DNAJC10: variants seen among roughly 807,000 people sequenced by gnomAD.
DNAJC10 encodes endoplasmic reticulum disulfide reductase DNAJC10.
In DNAJC10, 101 loss-of-function variants were observed where a neutral mutation model predicts 115.0. The ratio of observed to expected loss-of-function variants is 0.88; its 90% CI spans 0.75 to 1.04. The LOEUF (loss-of-function observed/expected upper bound fraction) is 1.04. DNAJC10 is among the 50% of genes least tolerant of loss of function. The probability of loss-of-function intolerance (pLI) is 0.00; values close to 1 mark genes in which losing one functional copy is unlikely to be tolerated. For synonymous variants in DNAJC10, 307 were observed against 301.5 expected (o/e 1.02, Z -0.19); for missense variants, 981 against 928.8 (o/e 1.06, Z -0.73).
At chr2:182,774,081 G>A (rs1041781119) in intron 22 of DNAJC10, among the ~76,000 whole-genome samples, 1 of 152,182 alleles carries the variant, frequency 6.6e-6, no homozygotes, top group African/African-American at 2.4e-5. Context: ...CCTTCTGACA[G>A]GTCCCTCAGC....
rs972377027 is a variant in DNAJC10 at position 182,717,945 on chromosome 2, A to G, written c.-142A>G. The stretch of plus-strand genomic sequence containing the variant: ...CTGCCTGCTTTTCTTTCTTAGATTA[A>G]TATTTTTGGGGACAGATTTGTGATG... On this transcript the variant is annotated 5_prime_UTR_variant, in exon 3 of 24. Transcript: ENST00000264065. 3 of 519,318 alleles carry G rather than the reference A, an allele frequency of 5.8e-6. No homozygotes were observed. Among genetic ancestry groups the G allele is most frequent in the Non-Finnish European group, 9.9e-6 (3 of 304,258 alleles). 32.2% of individuals were successfully genotyped at this position (519,318 alleles called of 1,614,324 possible). A position where few individuals can be genotyped will look rare whatever the true frequency, so the allele number is the denominator to read the frequency against.
At chr2:182,717,610 A>G (rs1693027426) in intron 2 of DNAJC10, among the ~76,000 whole-genome samples, 1 of 152,228 alleles carries the variant, frequency 6.6e-6, no homozygotes, top group Non-Finnish European at 1.5e-5. Context: ...ATTACAGGCA[A>G]CGCTATAACT....
chr2:182,748,173 A>C (rs1284741130), intron 14 of DNAJC10, among the ~76,000 whole-genome samples: 1 of 149,838 alleles, frequency 6.7e-6, no homozygotes, highest in Non-Finnish European at 1.5e-5. Flanking sequence ...TTCATCAAGG[A>C]TATTGGTCTA....
rs558799985 is a variant in DNAJC10, at chr2:182,757,004, A to G, written c.1809+535A>G. On this transcript the variant is annotated intron_variant, in intron 18 of 23. Transcript: ENST00000264065. ...AAAAATTTACCTCATATTTGTTTCA[A>G]TTTTTTCTAATTTTTTTCCTGCTTT... Among the ~76,000 whole-genome samples, 4 of 152,048 alleles carry G rather than the reference A, an allele frequency of 2.6e-5. No individual in the cohort carries two copies. In the East Asian group the frequency reaches 7.7e-4, roughly 29 times the overall value.
intron 5 of DNAJC10, among the ~76,000 whole-genome samples, chr2:182,727,655 C>G (rs1693325737): frequency 6.6e-6 from 1 of 152,128 alleles, no homozygotes. Context: ...GCACCTGTTT[C>G]TAATTAGCCT....
chr2:182,752,305 T>G, intron 16 of DNAJC10, 117 bp downstream of exon 16: 1 of 488,918 alleles, frequency 2.0e-6, no homozygotes, highest in Non-Finnish European at 3.4e-6. Flanking sequence ...TTTAGAGTAG[T>G]AACAAATTAT....
chr2:182,722,493 A>G (rs533639680), intron 5 of DNAJC10, among the ~76,000 whole-genome samples: 1 of 152,302 alleles, frequency 6.6e-6, no homozygotes, highest in African/African-American at 2.4e-5. Flanking sequence ...TTTCCATTGC[A>G]TTTTAGAAAA....
In DNAJC10 at chr2:182,777,518, A is replaced by G; in HGVS notation, c.*386A>G. On this transcript the variant is annotated 3_prime_UTR_variant, in exon 24 of 24. Coordinates refer to ENST00000264065, the MANE Select transcript of DNAJC10 (RefSeq NM_018981.4). ...GATTGCTGTCCCCCTCGACGGACTT[A>G]TAATGTTTCAGGTGGCTGGCTTGAA... 1 of 154,914 alleles carries G rather than the reference A, an allele frequency of 6.5e-6. No homozygotes were observed. The highest frequency in any genetic ancestry group is 1.4e-5 in the Non-Finnish European group (1 of 69,832). 9.6% of individuals were successfully genotyped at this position (154,914 alleles called of 1,614,324 possible). A position where few individuals can be genotyped will look rare whatever the true frequency, so the allele number is the denominator to read the frequency against.
rs1265185617 is a variant in DNAJC10 at position 182,751,683 on chromosome 2, T to C, written c.1332T>C (p.Leu444=). ...HHGKKILYDI[L]AFAKESVNSH... is the part of the protein sequence containing the mutation. ...GAAAGAAGATTCTATATGATATACT[T>C]GCCTTTGCCAAAGAAAGTGTGAATT... Residue 444 remains leucine, a synonymous_variant, in exon 15 of 24, where the codon CTT becomes CTC. Coordinates refer to ENST00000264065, the MANE Select transcript of DNAJC10 (RefSeq NM_018981.4). 3 of 1,613,930 alleles carry C rather than the reference T, an allele frequency of 1.9e-6. No individual in the cohort carries two copies. In the Admixed American group the frequency reaches 5.0e-5, roughly 27 times the overall value.
intron 13 of DNAJC10, among the ~76,000 whole-genome samples, chr2:182,741,713 A>T (rs1693742249): frequency 6.6e-6 from 1 of 152,158 alleles, no homozygotes; most frequent in South Asian, 2.1e-4. Flanking sequence ...AAAATAAAGC[A>T]ATTATCTAAA....
chr2:182,716,668 G>C (rs1014008920), intron 1 of DNAJC10, among the ~76,000 whole-genome samples, 185 bp downstream of exon 1: 9 of 152,160 alleles, frequency 5.9e-5, no homozygotes, highest in Non-Finnish European at 1.2e-4. Flanking sequence ...CCTCTGCCCA[G>C]CGATTCCCTC....
Position 182,756,421 on chromosome 2 carries a change from G to A in DNAJC10, c.1761G>A (p.Trp587Ter). Residue 587 changes from tryptophan (W) to a stop codon, truncating the protein, a stop_gained, in exon 18 of 24, where the codon TGG (tryptophan) becomes TGA (stop). Coordinates refer to ENST00000264065, the MANE Select transcript of DNAJC10 (RefSeq NM_018981.4). LOFTEE classifies it high-confidence loss of function. ...GGATGGTTGATTTCTATTCTCCGTG[G>A]TGTCATCCTTGCCAAGTCTTAATGC... The part of the protein sequence containing the change: ...EVWMVDFYSP[W>*]CHPCQVLMPE... 1 of 1,614,016 alleles carries A rather than the reference G, an allele frequency of 6.2e-7. No individual in the cohort carries two copies. Among genetic ancestry groups the A allele is most frequent in the Non-Finnish European group, 8.5e-7 (1 of 1,179,934 alleles).
At chr2:182,728,062 C>G (rs1693336487) in intron 5 of DNAJC10, among the ~76,000 whole-genome samples, 1 of 152,138 alleles carries the variant, frequency 6.6e-6, no homozygotes, top group Non-Finnish European at 1.5e-5. Context: ...CCCCGCAATC[C>G]TTACTGTATT....
rs765497307 is a variant in DNAJC10, at chr2:182,736,350, A to T, written c.951A>T (p.Gly317=). The change falls in exon 11 of 24, where the codon GGA becomes GGT. Residue 317 remains glycine, a synonymous_variant. Coordinates refer to ENST00000264065, the MANE Select transcript of DNAJC10 (RefSeq NM_018981.4). ...TTSTTAYFPP[G]ATLNNKEKNS... Reference sequence around the variant, plus strand: ...GTACTACTGCTTATTTTCCTCCTGGAGCCACTTTAAATAACAAAGAGAAAA... The same window carrying T: ...GTACTACTGCTTATTTTCCTCCTGGTGCCACTTTAAATAACAAAGAGAAAA... 1.3e-6 allele frequency: 2 copies of T among 1,584,882 alleles called. No homozygotes were observed. The highest frequency in any genetic ancestry group is 1.7e-4 in the Middle Eastern group (1 of 6,002).
chr2:182,773,854 G>T (rs762669674), intron 22 of DNAJC10, among the ~76,000 whole-genome samples: 1 of 152,140 alleles, frequency 6.6e-6, no homozygotes, highest in African/African-American at 2.4e-5. Flanking sequence ...GTCATTCTCC[G>T]TCCAGCTTTG....
chr2:182,792,800 A>G lies in DNAJC10; in HGVS notation c.*15668A>G, dbSNP rs1205123837. The G allele has an allele frequency of 6.6e-6, 1 of 152,196 alleles. No individual in the cohort carries two copies. The highest frequency in any genetic ancestry group is 1.5e-5 in the Non-Finnish European group (1 of 68,034). The allele number at this position is 152,196 out of a possible 1,614,324, so 9.4% of individuals were successfully genotyped here. On this transcript the variant is annotated 3_prime_UTR_variant, in exon 24 of 24. Transcript: ENST00000264065. Reference sequence around the variant, plus strand: ...ATGAGCCCCATGTCACTCAGCAAACATTTATTTGAGTACTTACAATGTGCT... The same window carrying G: ...ATGAGCCCCATGTCACTCAGCAAACGTTTATTTGAGTACTTACAATGTGCT...
chr2:182,757,824 C>T lies in DNAJC10; in HGVS notation c.1942C>T (p.His648Tyr). Residue 648 changes from histidine to tyrosine, a missense_variant and splice_region_variant, in exon 19 of 24, where the codon CAC becomes TAC. Physicochemically the swap from His to Tyr is moderately conservative, Grantham distance 83. Coordinates refer to ENST00000264065, the MANE Select transcript of DNAJC10 (RefSeq NM_018981.4). ...PPKSNKAYHY[H>Y]SYNGWNRDAY... is the part of the protein sequence containing the mutation. ...AAAATCAAATAAAGCTTATCATTAT[C>T]AGTAAGTATTCTCTCATATTTGAAG... 1 of 1,422,920 alleles carries T rather than the reference C, an allele frequency of 7.0e-7. No homozygotes were observed. The highest frequency in any genetic ancestry group is 9.8e-7 in the Non-Finnish European group (1 of 1,022,050). The allele number at this position is 1,422,920 out of a possible 1,614,324, so 88.1% of individuals were successfully genotyped here.
chr2:182,723,677 C>A (rs764223716), intron 5 of DNAJC10, among the ~76,000 whole-genome samples: 1 of 152,074 alleles, frequency 6.6e-6, no homozygotes, highest in Non-Finnish European at 1.5e-5. Flanking sequence ...CAGAAAACAT[C>A]GGAATTACAG....
At chr2:182,762,950 A>G (rs1330376639) in intron 22 of DNAJC10, 149 bp downstream of exon 22, 2 of 914,232 alleles carry the variant, frequency 2.2e-6, no homozygotes, top group African/African-American at 3.4e-5. Context: ...TAAAATTTAC[A>G]TGTATACCAA....
Sources: gnomAD v4.1 joint callset for allele counts (sites outside exome capture counted in the v4.1 genomes callset) on GRCh38, gnomAD v4.1.1 for gene constraint, MANE v1.5 for transcripts, NCBI Gene and HGNC (gene_info 2026-07-23, HGNC 2026-07-21) for gene names.